Variants in PRSS12 observed in about 807,000 individuals in gnomAD.
The protein encoded by PRSS12 is neurotrypsin.
A neutral mutation model predicts 104.4 loss-of-function variants in PRSS12; 85 were observed. That is an observed-to-expected ratio of 0.81 (90% confidence interval 0.68 to 0.98). The LOEUF (loss-of-function observed/expected upper bound fraction) is 0.98. PRSS12 is among the 50% of genes least tolerant of loss of function. The pLI, the probability that PRSS12 is intolerant of heterozygous loss-of-function variation, is 0.00. For synonymous variants in PRSS12, 454 were observed against 425.2 expected, an observed-to-expected ratio of 1.07 and a Z score of -0.83; for missense variants, 1,141 against 1,139.2, an observed-to-expected ratio of 1.00 and a Z score of -0.02.
intron 11 of PRSS12, among the ~76,000 whole-genome samples, chr4:118,290,980 G>T (rs749627653): frequency 5.3e-4 from 80 of 151,786 alleles, no homozygotes; most frequent in Admixed American, 1.6e-3. Flanking sequence ...AGACCAATTT[G>T]CCAGAAAAAG....
chr4:118,352,652 A>G lies in PRSS12; in HGVS notation c.69T>C (p.Ser23=). ...GALPEVVGFD[S]VLNDSLHHSH... ...TGTGGTGGAGGGAATCATTGAGGAC[A>G]GAATCAAAGCCGACCACTTCGGGGA... The change falls in exon 1 of 13, where the codon TCT becomes TCC. Residue 23 remains serine (S), a synonymous_variant. Coordinates refer to ENST00000296498, the MANE Select transcript of PRSS12 (RefSeq NM_003619.4). 6.2e-7 allele frequency: 1 copy of G among 1,613,336 alleles called. No homozygotes were observed. The highest frequency in any genetic ancestry group is 1.1e-5 in the South Asian group (1 of 90,942).
intron 1 of PRSS12, 54 bp downstream of exon 1, chr4:118,352,165 C>A: frequency 6.2e-7 from 1 of 1,604,524 alleles, no homozygotes; most frequent in Non-Finnish European, 8.5e-7. Context: ...GGCCCCAAGC[C>A]TCACTGGCTC....
In PRSS12 at chr4:118,352,862, T is replaced by A. The variant is rs1724562628; in HGVS notation, c.-142A>T. On this transcript the variant is annotated 5_prime_UTR_variant, in exon 1 of 13. Coordinates refer to ENST00000296498, the MANE Select transcript of PRSS12 (RefSeq NM_003619.4). ...CCCCCGCACGCGGACCGCCCTCGCC[T>A]CCCCAACCTTGCCTCCCGCCGCTGG... is the stretch of plus-strand genomic sequence containing the variant. 6.9e-7 allele frequency: 1 copy of A among 1,441,092 alleles called. No homozygotes were observed. 89.3% of individuals were successfully genotyped at this position (1,441,092 alleles called of 1,614,324 possible). A position where few individuals can be genotyped will look rare whatever the true frequency, so the allele number is the denominator to read the frequency against.
At chr4:118,315,713 G>A (rs974567937) in intron 6 of PRSS12, among the ~76,000 whole-genome samples, 1 of 152,156 alleles carries the variant, frequency 6.6e-6, no homozygotes, top group Non-Finnish European at 1.5e-5. Context: ...AAGTTCTAAA[G>A]GTCATCTCCT....
intron 8 of PRSS12, chr4:118,306,100 G>A (rs554460244): frequency 6.6e-6 from 1 of 152,062 alleles, no homozygotes; most frequent in Non-Finnish European, 1.5e-5. Flanking sequence ...TCATATGGTA[G>A]TTCTACTTTT....
In PRSS12 at chr4:118,316,265, A is replaced by T. The variant is rs1211197388; in HGVS notation, c.1209T>A (p.Tyr403Ter). The T allele has an allele frequency of 6.2e-7, 1 of 1,614,092 alleles. No individual in the cohort carries two copies. Among genetic ancestry groups the T allele is most frequent in the East Asian group, 2.2e-5 (1 of 44,860 alleles). The stretch of plus-strand genomic sequence containing the variant: ...AGACAGTTCCCCACTGGCCTCTGTA[A>T]TATACCTCCAAGCGACCCTCATGGC... ...KGSHEGRLEV[Y>*]YRGQWGTVCD... Residue 403 changes from tyrosine (Y) to a stop codon, truncating the protein, a stop_gained, in exon 6 of 13, where the codon TAT becomes TAA. Coordinates refer to ENST00000296498, the MANE Select transcript of PRSS12 (RefSeq NM_003619.4). LOFTEE classifies it high-confidence loss of function.
chr4:118,342,772 G>A (rs1724250298), intron 1 of PRSS12, among the ~76,000 whole-genome samples: 1 of 152,114 alleles, frequency 6.6e-6, no homozygotes, highest in South Asian at 2.1e-4. Flanking sequence ...GTACAACAAT[G>A]TTCAGAATTC....
At position 118,308,548 on chromosome 4, in the gene PRSS12, T is replaced by A. The variant is rs1743618240; in HGVS notation, c.1519A>T (p.Asn507Tyr). Residue 507 changes from asparagine (N) to tyrosine (Y), a missense_variant, in exon 8 of 13, where the codon AAT becomes TAT. Coordinates refer to ENST00000296498, the MANE Select transcript of PRSS12 (RefSeq NM_003619.4). ...GFPVRLMDGE[N>Y]KKEGRVEVFI... ...ACCTCCACTCGTCCTTCTTTCTTAT[T>A]TTCTCCATCCATCAGTCTGACAGGA... 1 of 1,613,972 alleles carries A rather than the reference T, an allele frequency of 6.2e-7. No individual in the cohort carries two copies. The highest frequency in any genetic ancestry group is 8.5e-7 in the Non-Finnish European group (1 of 1,179,978).
At chr4:118,311,986 T>A (rs191967903) in intron 7 of PRSS12, among the ~76,000 whole-genome samples, 1 of 151,902 alleles carries the variant, frequency 6.6e-6, no homozygotes, top group Non-Finnish European at 1.5e-5. Flanking sequence ...ATCCACCACA[T>A]AATCCTGGGA....
rs10019302 is a variant in PRSS12, at chr4:118,296,892, A to G, written c.1838-1036T>C. Among the ~76,000 whole-genome samples the G allele has an allele frequency of 6.2e-3, 939 of 152,346 alleles. 9 individuals are homozygous for G. Among genetic ancestry groups the G allele is most frequent in the African/African-American group, 0.021 (877 of 41,564 alleles). On this transcript the variant is annotated intron_variant, in intron 9 of 12. Transcript: ENST00000296498. ...CAAATTGTAAGATATTAGAAAAAACATAAGTTTCCAATAATGCTCCAAGTT... is the reference window on the plus strand; with the variant it reads ...CAAATTGTAAGATATTAGAAAAAACGTAAGTTTCCAATAATGCTCCAAGTT...
rs756980464 is a variant in PRSS12 at position 118,316,227 on chromosome 4, C to CA, written c.1246dup (p.Trp416LeufsTer3). ...AACCACGTATGTATTCAGCTCAGTC[C>CA]AGCCATCATCACAGACAGTTCCCCA... On this transcript the variant is annotated frameshift_variant, in exon 6 of 13. Transcript: ENST00000296498. LOFTEE classifies it high-confidence loss of function. 4.3e-6 allele frequency: 7 copies of CA among 1,613,974 alleles called. No homozygotes were observed. Among genetic ancestry groups the CA allele is most frequent in the Non-Finnish European group, 5.1e-6 (6 of 1,180,000 alleles).
chr4:118,339,200 T>C (rs1334672525), intron 1 of PRSS12, among the ~76,000 whole-genome samples: 1 of 152,152 alleles, frequency 6.6e-6, no homozygotes, highest in African/African-American at 2.4e-5. Context: ...AGGTAGCAAG[T>C]GGGACAACTG....
intron 9 of PRSS12, among the ~76,000 whole-genome samples, chr4:118,297,108 C>A (rs1320668168): frequency 6.6e-6 from 1 of 152,088 alleles, no homozygotes; most frequent in Non-Finnish European, 1.5e-5. Context: ...CATCAGATGA[C>A]CAATAACCAA....
In PRSS12 at chr4:118,286,420, C is replaced by T. The variant is rs531924718; in HGVS notation, c.2040-3309G>A. 4.5e-4 allele frequency among the ~76,000 whole-genome samples: 69 copies of T among 152,258 alleles called. 1 individual carries two copies. Among genetic ancestry groups the T allele is most frequent in the Non-Finnish European group, 8.8e-4 (60 of 68,010 alleles). On this transcript the variant is annotated intron_variant, in intron 11 of 12. Transcript: ENST00000296498. ...TCCCCTCTATCCTAATATGGCAAAA[C>T]CTGATTTTGTCCTGATCAAGTCAAA...
chr4:118,352,514 CG>C lies in PRSS12; in HGVS notation c.206del (p.Pro69ArgfsTer34). The part of the protein sequence containing the change: ...PPPLPRFPRP[P>X]RALPAQRPHA... ...GCGGGCGCTGGGCAGGGAGCGCCCGCGGGGGGCGCGGGAAGCGCGGGAGAGG... is the reference window on the plus strand; with the variant it reads ...GCGGGCGCTGGGCAGGGAGCGCCCGCGGGGGCGCGGGAAGCGCGGGAGAGG... On this transcript the variant is annotated frameshift_variant, in exon 1 of 13. Coordinates refer to ENST00000296498, the MANE Select transcript of PRSS12 (RefSeq NM_003619.4). LOFTEE classifies it high-confidence loss of function. 1 of 1,451,900 alleles carries C rather than the reference CG, an allele frequency of 6.9e-7. No homozygotes were observed. The highest frequency in any genetic ancestry group is 9.1e-7 in the Non-Finnish European group (1 of 1,099,042). The allele number at this position is 1,451,900 out of a possible 1,614,324, so 89.9% of individuals were successfully genotyped here.
intron 11 of PRSS12, among the ~76,000 whole-genome samples, chr4:118,288,671 A>C (rs1189123737): frequency 6.6e-6 from 1 of 152,240 alleles, no homozygotes; most frequent in East Asian, 1.9e-4. Flanking sequence ...CAATTAAAAG[A>C]AATTAATATT....
chr4:118,332,955 G>A (rs577676272), intron 3 of PRSS12, among the ~76,000 whole-genome samples: 5 of 152,268 alleles, frequency 3.3e-5, no homozygotes, highest in East Asian at 1.9e-4. Context: ...TAAGGGCGTC[G>A]ATAAAAGGAG....
At chr4:118,288,896 A>C (rs1462291186) in intron 11 of PRSS12, among the ~76,000 whole-genome samples, 2 of 152,228 alleles carry the variant, frequency 1.3e-5, no homozygotes, top group African/African-American at 4.8e-5. Context: ...ATTAACATTA[A>C]GAAAAATGTG....
intron 1 of PRSS12, among the ~76,000 whole-genome samples, chr4:118,349,935 G>A (rs764654421): frequency 2.0e-5 from 3 of 151,812 alleles, no homozygotes; most frequent in East Asian, 1.9e-4. Flanking sequence ...CCAGGGAGGC[G>A]GAGGTTGCAG....
Sources: gnomAD v4.1 joint callset for allele counts (sites outside exome capture counted in the v4.1 genomes callset) on GRCh38, gnomAD v4.1.1 for gene constraint, MANE v1.5 for transcripts, NCBI Gene and HGNC (gene_info 2026-07-23, HGNC 2026-07-21) for gene names.